Variants in MED27 observed in about 807,000 individuals in gnomAD.
The protein encoded by MED27 is mediator complex subunit 27.
Under a neutral mutation model 38.2 loss-of-function variants are expected in MED27, and 30 were observed. The observed-to-expected ratio is 0.79, with a 90% confidence interval of 0.59 to 1.07. MED27 has a LOEUF of 1.07. Among genes scored for constraint, MED27 ranks in the 50% least tolerant of loss-of-function variants. MED27 has a pLI of 0.00. For synonymous variants in MED27, 122 were observed against 153.5 expected, an observed-to-expected ratio of 0.79 and a Z score of 1.52; for missense variants, 289 against 397.5, an observed-to-expected ratio of 0.73 and a Z score of 2.32.
intron 3 of MED27, among the ~76,000 whole-genome samples, chr9:131,941,223 G>A (rs1404669242): frequency 6.6e-6 from 1 of 152,110 alleles, no homozygotes; most frequent in African/African-American, 2.4e-5. Context: ...TTTTACATTG[G>A]ATTTCATATC....
intron 6 of MED27, among the ~76,000 whole-genome samples, chr9:131,864,901 T>C (rs1341090565): frequency 6.6e-6 from 1 of 152,258 alleles, no homozygotes; most frequent in Non-Finnish European, 1.5e-5. Context: ...ACTCACTCTC[T>C]GGCAATGCCA....
intron 2 of MED27, among the ~76,000 whole-genome samples, chr9:132,025,001 G>C (rs971554224): frequency 2.6e-5 from 4 of 151,804 alleles, no homozygotes; most frequent in African/African-American, 9.7e-5. Flanking sequence ...TTCTGATTGT[G>C]ATTATCTACA....
rs73548876 is a variant in MED27 at position 131,869,322 on chromosome 9, T to C, written c.724-6182A>G. The C allele has an allele frequency of 5.9e-3, 5,794 of 985,310 alleles. 267 individuals are homozygous for C. In the African/African-American group the frequency reaches 0.09, roughly 15 times the overall value. 61.0% of individuals were successfully genotyped at this position (985,310 alleles called of 1,614,324 possible). On this transcript the variant is annotated intron_variant, in intron 6 of 7. Coordinates refer to ENST00000292035, the MANE Select transcript of MED27 (RefSeq NM_004269.4). ...CACTCCACCTTCAATATTTTTTTGTTTTACATTTTTCAACAACAAAGTTGT... is the reference window on the plus strand; with the variant it reads ...CACTCCACCTTCAATATTTTTTTGTCTTACATTTTTCAACAACAAAGTTGT...
intron 2 of MED27, among the ~76,000 whole-genome samples, chr9:132,017,636 G>A (rs991814548): frequency 7.2e-5 from 11 of 152,184 alleles, no homozygotes; most frequent in African/African-American, 2.4e-4. Flanking sequence ...GGGAAGGTTC[G>A]TGATTTACTG....
intron 4 of MED27, among the ~76,000 whole-genome samples, chr9:131,895,317 G>A (rs62583310): frequency 0.11 from 16,382 of 152,176 alleles, 1,136 homozygotes; most frequent in Non-Finnish European, 0.16. Context: ...AGGTTTTGAC[G>A]TCACAGAATT....
chr9:132,021,933 T>C (rs1832725109), intron 2 of MED27, among the ~76,000 whole-genome samples: 1 of 152,214 alleles, frequency 6.6e-6, no homozygotes, highest in East Asian at 1.9e-4. Context: ...CAACTTGACC[T>C]TGGACTTTCC....
At chr9:131,956,499 C>G (rs901917326) in intron 3 of MED27, among the ~76,000 whole-genome samples, 3 of 152,048 alleles carry the variant, frequency 2.0e-5, no homozygotes, top group Non-Finnish European at 4.4e-5. Context: ...GCCTGTAATT[C>G]CAGCTACTCA....
chr9:131,966,482 A>G lies in MED27; in HGVS notation c.480-27008T>C, dbSNP rs1176029097. 1.8e-4 allele frequency among the ~76,000 whole-genome samples: 28 copies of G among 151,886 alleles called. 1 individual carries two copies. Among genetic ancestry groups the G allele is most frequent in the Admixed American group, 1.8e-3 (28 of 15,244 alleles). ...AAGATTTCACAGACCAGGCAAGAGG[A>G]AGCTTTATTTGTGCTGAATTTCAGG... On this transcript the variant is annotated intron_variant, in intron 3 of 7. Coordinates refer to ENST00000292035, the MANE Select transcript of MED27 (RefSeq NM_004269.4).
intron 2 of MED27, among the ~76,000 whole-genome samples, chr9:132,058,355 C>A (rs1009360623): frequency 1.3e-5 from 2 of 152,108 alleles, no homozygotes; most frequent in Admixed American, 1.3e-4. Context: ...TGGGAGGGAC[C>A]CAGTGGGAGG....
intron 4 of MED27, among the ~76,000 whole-genome samples, chr9:131,931,226 C>T (rs1467440291): frequency 6.6e-6 from 1 of 151,958 alleles, no homozygotes; most frequent in Non-Finnish European, 1.5e-5. Context: ...GCCTGGGTGA[C>T]AGAGTGAGAC....
chr9:132,038,899 G>A (rs1268671164), intron 2 of MED27, among the ~76,000 whole-genome samples: 2 of 152,124 alleles, frequency 1.3e-5, no homozygotes, highest in Admixed American at 1.3e-4. Context: ...CGGAGTGACA[G>A]GACCTAACTG....
chr9:131,942,888 G>T (rs574126356), intron 3 of MED27, among the ~76,000 whole-genome samples: 1 of 152,210 alleles, frequency 6.6e-6, no homozygotes, highest in Admixed American at 6.5e-5. Flanking sequence ...GGCCATTTTT[G>T]ATTCCTTTAT....
intron 3 of MED27, among the ~76,000 whole-genome samples, chr9:131,961,943 A>G (rs572703802): frequency 6.6e-6 from 1 of 152,358 alleles, no homozygotes; most frequent in South Asian, 2.1e-4. Context: ...TTATAATGAT[A>G]ATCTCCAAAG....
chr9:132,019,579 T>C (rs957648774), intron 2 of MED27, among the ~76,000 whole-genome samples: 5 of 152,120 alleles, frequency 3.3e-5, no homozygotes, highest in African/African-American at 1.2e-4. Context: ...AATTTAACAA[T>C]AGAGAAAGGC....
Position 131,982,090 on chromosome 9 carries a change from T to A in MED27, c.479+32247A>T, listed in dbSNP as rs972895621. On this transcript the variant is annotated intron_variant, in intron 3 of 7. Transcript: ENST00000292035. The surrounding 1 kb of genome is among the most constrained non-coding windows in gnomAD (Gnocchi z 4.3). ...AGTCTGTTTCACTCATGGTCCCCGG[T>A]GGAACACTTCCCAGTATTTATGCCC... Among the ~76,000 whole-genome samples, 4 of 152,234 alleles carry A rather than the reference T, an allele frequency of 2.6e-5. No homozygotes were observed. Among genetic ancestry groups the A allele is most frequent in the African/African-American group, 9.6e-5 (4 of 41,456 alleles).
intron 4 of MED27, among the ~76,000 whole-genome samples, chr9:131,910,770 A>G (rs992876356): frequency 6.6e-6 from 1 of 152,038 alleles, no homozygotes; most frequent in Non-Finnish European, 1.5e-5. Flanking sequence ...AAAGAGCCCA[A>G]CTCTTTGCAG....
At chr9:131,954,901 C>T (rs2130989738) in intron 3 of MED27, among the ~76,000 whole-genome samples, 1 of 152,280 alleles carries the variant, frequency 6.6e-6, no homozygotes, top group Middle Eastern at 3.4e-3. Flanking sequence ...AATACCACGC[C>T]TCTCTCAGTA....
chr9:131,964,316 GCT>G (rs1831287187), intron 3 of MED27, among the ~76,000 whole-genome samples: 1 of 151,706 alleles, frequency 6.6e-6, no homozygotes, highest in Non-Finnish European at 1.5e-5. Flanking sequence ...TGGTGCTGGT[GCT>G]GGTGGTGGAG....
intron 3 of MED27, among the ~76,000 whole-genome samples, chr9:131,994,234 C>T (rs765895261): frequency 6.6e-6 from 1 of 152,122 alleles, no homozygotes; most frequent in Non-Finnish European, 1.5e-5. Flanking sequence ...TTCCCAGGAA[C>T]CTATCGATGA....
Sources: gnomAD v4.1 joint callset for allele counts (sites outside exome capture counted in the v4.1 genomes callset) on GRCh38, gnomAD v4.1.1 for gene constraint, Gnocchi (gnomAD v3.1) non-coding constraint, MANE v1.5 for transcripts, NCBI Gene and HGNC (gene_info 2026-07-23, HGNC 2026-07-21) for gene names.